Variants in AKR1C8 observed in about 807,000 individuals in gnomAD.
AKR1C8 encodes the protein aldo-keto reductase family 1 member C8, also known as aldo-keto reductase family 1 member C-like protein 1.
the AKR1C8 span, among the ~76,000 whole-genome samples, chr10:5,145,577 G>A: frequency 7.2e-5 from 11 of 152,172 alleles, no homozygotes; most frequent in Middle Eastern, 3.2e-3. Context: ...CATTTATGCA[G>A]CCAAAAAACA....
the AKR1C8 span, among the ~76,000 whole-genome samples, chr10:5,118,027 T>C: frequency 2.0e-5 from 3 of 152,142 alleles, no homozygotes; most frequent in Non-Finnish European, 2.9e-5. Context: ...AATGTAGCCA[T>C]TTCATCCCAA....
chr10:5,154,487 A>G, the AKR1C8 span: 2 of 272,416 alleles, frequency 7.3e-6, no homozygotes, highest in Non-Finnish European at 1.5e-5. Flanking sequence ...ATTGGGTGAC[A>G]TTAAAGAGTA....
chr10:5,152,801 T>C, the AKR1C8 span, among the ~76,000 whole-genome samples: 9 of 152,198 alleles, frequency 5.9e-5, no homozygotes, highest in South Asian at 2.1e-4. Context: ...GTGATTTTCA[T>C]TGGCCCTTCA....
chr10:5,132,827 G>C, the AKR1C8 span: 1 of 729,732 alleles, frequency 1.4e-6, no homozygotes, highest in Non-Finnish European at 2.2e-6. Flanking sequence ...GGTAGTTCAG[G>C]CACAAACAAT....
At chr10:5,162,660 T>C in the AKR1C8 span, among the ~76,000 whole-genome samples, 1 of 152,328 alleles carries the variant, frequency 6.6e-6, no homozygotes, top group East Asian at 1.9e-4. Flanking sequence ...TACTGTCTGA[T>C]GCTCAGAGAC....
At chr10:5,144,134 C>A in the AKR1C8 span, among the ~76,000 whole-genome samples, 2 of 152,066 alleles carry the variant, frequency 1.3e-5, no homozygotes, top group Non-Finnish European at 2.9e-5. Flanking sequence ...ATAGGGAATC[C>A]TTTCCCCATT....
chr10:5,131,690 A>C, the AKR1C8 span, among the ~76,000 whole-genome samples: 6 of 152,024 alleles, frequency 3.9e-5, no homozygotes, highest in Admixed American at 3.9e-4. Flanking sequence ...AAACAAAAAC[A>C]GTAGAAGTTG....
the AKR1C8 span, among the ~76,000 whole-genome samples, chr10:5,162,529 G>C: frequency 1.3e-5 from 2 of 152,116 alleles, no homozygotes; most frequent in Non-Finnish European, 2.9e-5. Flanking sequence ...ATTAATATGT[G>C]ACCTTACTTG....
At chr10:5,136,451 G>A in the AKR1C8 span, among the ~76,000 whole-genome samples, 1 of 37,838 alleles carries the variant, frequency 2.6e-5, no homozygotes, top group African/African-American at 2.0e-4. Context: ...AAGAGGCTGA[G>A]GCAGGAGATA....
the AKR1C8 span, among the ~76,000 whole-genome samples, chr10:5,153,939 T>C: frequency 6.6e-6 from 1 of 152,202 alleles, no homozygotes; most frequent in South Asian, 2.1e-4. Context: ...GTATTTTTTA[T>C]TTTTCTAAAA....
chr10:5,127,065 C>A, the AKR1C8 span, among the ~76,000 whole-genome samples: 1 of 152,012 alleles, frequency 6.6e-6, no homozygotes, highest in Non-Finnish European at 1.5e-5. Context: ...CCTGGGGTCA[C>A]CCAAATCACC....
At chr10:5,132,616 A>C in the AKR1C8 span, 1 of 1,582,318 alleles carries the variant, frequency 6.3e-7, no homozygotes, top group Non-Finnish European at 8.6e-7. Context: ...GAAGTGTAGA[A>C]TATGTCTTCT....
the AKR1C8 span, among the ~76,000 whole-genome samples, chr10:5,149,681 C>A: frequency 6.6e-6 from 1 of 151,988 alleles, no homozygotes; most frequent in African/African-American, 2.4e-5. Context: ...ATAAAGTTAA[C>A]CTCCATTTCT....
the AKR1C8 span, among the ~76,000 whole-genome samples, chr10:5,178,810 T>G: frequency 7.2e-5 from 11 of 152,156 alleles, no homozygotes; most frequent in South Asian, 2.1e-4. Context: ...CCTGCCTTTT[T>G]TTTTGTTTTC....
the AKR1C8 span, chr10:5,123,441 T>C: frequency 6.9e-6 from 3 of 437,614 alleles, no homozygotes; most frequent in Non-Finnish European, 1.3e-5. Flanking sequence ...TGGTCCACCC[T>C]GGAAGGAAAC....
chr10:5,133,810 T>G, the AKR1C8 span, among the ~76,000 whole-genome samples: 1 of 152,226 alleles, frequency 6.6e-6, no homozygotes, highest in Admixed American at 6.5e-5. Context: ...TTCACTCCTT[T>G]CTACACAGCC....
At chr10:5,153,650 G>C in the AKR1C8 span, among the ~76,000 whole-genome samples, 2 of 152,158 alleles carry the variant, frequency 1.3e-5, no homozygotes, top group Non-Finnish European at 1.5e-5. Flanking sequence ...CATGTGGCCA[G>C]AGCAGCAGGA....
the AKR1C8 span, among the ~76,000 whole-genome samples, chr10:5,178,866 G>T: frequency 2.0e-5 from 3 of 152,014 alleles, no homozygotes; most frequent in Non-Finnish European, 4.4e-5. Flanking sequence ...TTGAGCCTAT[G>T]TGTGTCTCTG....
At chr10:5,138,833 A>G in the AKR1C8 span, among the ~76,000 whole-genome samples, 4 of 152,162 alleles carry the variant, frequency 2.6e-5, no homozygotes, top group East Asian at 7.7e-4. Flanking sequence ...AGAAAGAAAT[A>G]AAGAGTATTC....
Sources: gnomAD v4.1 joint callset for allele counts (sites outside exome capture counted in the v4.1 genomes callset) on GRCh38, gnomAD v4.1.1 for gene constraint, MANE v1.5 for transcripts, NCBI Gene and HGNC (gene_info 2026-07-23, HGNC 2026-07-21) for gene names.